LHFPL3: variants seen among roughly 807,000 people sequenced by gnomAD.
The protein encoded by LHFPL3 is LHFPL tetraspan subfamily member 3.
Under a neutral mutation model 19.3 loss-of-function variants are expected in LHFPL3, and 5 were observed. That is an observed-to-expected ratio of 0.26 (90% confidence interval 0.14 to 0.54). The LOEUF is 0.54. Ranked by LOEUF, LHFPL3 falls within the 20% of genes least tolerant of loss-of-function variation. The probability of loss-of-function intolerance (pLI) is 0.94; values close to 1 mark genes in which losing one functional copy is unlikely to be tolerated. For synonymous variants in LHFPL3, 133 were observed against 126.2 expected (o/e 1.05, Z -0.36); for missense variants, 249 against 307.4 (o/e 0.81, Z 1.42).
chr7:104,537,904 G>A (rs2115864735), intron 1 of LHFPL3, among the ~76,000 whole-genome samples: 1 of 152,264 alleles, frequency 6.6e-6, no homozygotes, highest in Non-Finnish European at 1.5e-5. Flanking sequence ...GTCCTTCTTG[G>A]GCAGGTAAAG....
At chr7:104,879,323 G>A (rs1792003627) in intron 2 of LHFPL3, among the ~76,000 whole-genome samples, 1 of 152,172 alleles carries the variant, frequency 6.6e-6, no homozygotes, top group South Asian at 2.1e-4. Context: ...GGCTAAGGTG[G>A]GAGGATTGCT....
At chr7:104,471,908 TG>T (rs1792914435) in intron 1 of LHFPL3, among the ~76,000 whole-genome samples, 1 of 152,222 alleles carries the variant, frequency 6.6e-6, no homozygotes, top group Non-Finnish European at 1.5e-5. Context: ...CCACATGCAA[TG>T]GCCCTTGCTT....
chr7:104,456,587 T>G (rs745685822), intron 1 of LHFPL3, among the ~76,000 whole-genome samples: 2 of 152,222 alleles, frequency 1.3e-5, no homozygotes, highest in African/African-American at 2.4e-5. Context: ...GTATATGATA[T>G]TTTTCTTTCC....
At chr7:104,667,824 G>A (rs1003737612) in intron 1 of LHFPL3, 2 of 1,609,344 alleles carry the variant, frequency 1.2e-6, no homozygotes, top group African/African-American at 1.3e-5. Flanking sequence ...TGAGGATGGG[G>A]GTACTGGTGG....
chr7:104,693,407 G>A (rs546494731), intron 1 of LHFPL3, among the ~76,000 whole-genome samples: 195 of 152,240 alleles, frequency 1.3e-3, no homozygotes, highest in Non-Finnish European at 2.3e-3. Flanking sequence ...TTGGCTTTGT[G>A]TTCCCACCCA....
At chr7:104,555,485 T>C (rs1441568605) in intron 1 of LHFPL3, among the ~76,000 whole-genome samples, 2 of 151,954 alleles carry the variant, frequency 1.3e-5, no homozygotes, top group East Asian at 3.9e-4. Context: ...TGCAAGAAAC[T>C]CCCACTTTTA....
At chr7:104,396,324 G>A (rs776136456) in intron 1 of LHFPL3, among the ~76,000 whole-genome samples, 11 of 152,062 alleles carry the variant, frequency 7.2e-5, no homozygotes, top group Non-Finnish European at 1.6e-4. Flanking sequence ...GGTGAGAAAT[G>A]GGGATGGCAA....
At chr7:104,521,246 A>G (rs1794053422) in intron 1 of LHFPL3, among the ~76,000 whole-genome samples, 1 of 152,090 alleles carries the variant, frequency 6.6e-6, no homozygotes, top group South Asian at 2.1e-4. Context: ...GTTTCCATGT[A>G]GTTGAGTGGT....
intron 2 of LHFPL3, among the ~76,000 whole-genome samples, chr7:104,755,487 GC>G (rs777419851): frequency 6.6e-6 from 1 of 151,990 alleles, no homozygotes; most frequent in Non-Finnish European, 1.5e-5. Context: ...GCTGGATGAT[GC>G]AAAAAGCAGG....
chr7:104,748,868 G>A (rs917899939), intron 2 of LHFPL3, among the ~76,000 whole-genome samples: 6 of 152,324 alleles, frequency 3.9e-5, no homozygotes, highest in Admixed American at 3.3e-4. Context: ...CACAGGTGTG[G>A]AGGGGCAACC....
intron 2 of LHFPL3, among the ~76,000 whole-genome samples, chr7:104,822,307 A>G (rs924121864): frequency 6.6e-6 from 1 of 152,228 alleles, no homozygotes; most frequent in Non-Finnish European, 1.5e-5. Flanking sequence ...TGGTCCAAGT[A>G]GATATTTAAT....
At chr7:104,657,321 C>G (rs987685399) in intron 1 of LHFPL3, among the ~76,000 whole-genome samples, 7 of 152,214 alleles carry the variant, frequency 4.6e-5, no homozygotes, top group African/African-American at 1.7e-4. Context: ...GCAGGTTAAG[C>G]CTGCTTATCA....
At chr7:104,383,277 A>G (rs552364509) in intron 1 of LHFPL3, among the ~76,000 whole-genome samples, 5 of 152,366 alleles carry the variant, frequency 3.3e-5, no homozygotes, top group African/African-American at 1.2e-4. Flanking sequence ...GGTTTCAGAT[A>G]GTGTAAGTAC....
chr7:104,570,435 T>C (rs1790210898), intron 1 of LHFPL3, among the ~76,000 whole-genome samples: 1 of 152,244 alleles, frequency 6.6e-6, no homozygotes, highest in African/African-American at 2.4e-5. Context: ...CACTATTGTC[T>C]ACTAACCATA....
intron 1 of LHFPL3, among the ~76,000 whole-genome samples, chr7:104,503,437 ATGTT>A (rs1172078171): frequency 3.3e-5 from 5 of 152,162 alleles, no homozygotes; most frequent in African/African-American, 1.2e-4. Context: ...TCTACAATGA[ATGTT>A]TGTTTATATT....
At position 104,328,638 on chromosome 7, in the gene LHFPL3, ACT is replaced by A. The variant is rs1801507861; in HGVS notation, c.-139_-138del. On this transcript the variant is annotated 5_prime_UTR_variant, in exon 1 of 3. It removes the in-frame stop codon of an upstream open reading frame in the 5' UTR. Transcript: ENST00000424859. The surrounding 1 kb of genome is among the most constrained non-coding windows in gnomAD (Gnocchi z 4.6). ...CCTCCTTCCGGGAGCGAGGATGCAGACTCTGAAACTGGTGCTGCTGGGCTGAG... is the reference window on the plus strand; with the variant it reads ...CCTCCTTCCGGGAGCGAGGATGCAGACTGAAACTGGTGCTGCTGGGCTGAG... 1.4e-6 allele frequency: 1 copy of A among 720,364 alleles called. No homozygotes were observed. Among genetic ancestry groups the A allele is most frequent in the East Asian group, 2.7e-5 (1 of 36,866 alleles). The allele number at this position is 720,364 out of a possible 1,614,324, so 44.6% of individuals were successfully genotyped here.
At chr7:104,383,513 A>G (rs1790872517) in intron 1 of LHFPL3, among the ~76,000 whole-genome samples, 1 of 152,208 alleles carries the variant, frequency 6.6e-6, no homozygotes. Flanking sequence ...AGATATTAGC[A>G]TTTCATTAGC....
At chr7:104,451,977 C>T (rs1792448138) in intron 1 of LHFPL3, among the ~76,000 whole-genome samples, 1 of 152,172 alleles carries the variant, frequency 6.6e-6, no homozygotes. Flanking sequence ...AACTGCTGAC[C>T]TCAGGTGATC....
At chr7:104,617,287 C>A (rs560205365) in intron 1 of LHFPL3, among the ~76,000 whole-genome samples, 1 of 152,140 alleles carries the variant, frequency 6.6e-6, no homozygotes, top group Admixed American at 6.5e-5. Flanking sequence ...AATTTTCAAA[C>A]TTTCTAGCCA....
Sources: gnomAD v4.1 joint callset for allele counts (sites outside exome capture counted in the v4.1 genomes callset) on GRCh38, gnomAD v4.1.1 for gene constraint, Gnocchi (gnomAD v3.1) non-coding constraint, MANE v1.5 for transcripts, NCBI Gene and HGNC (gene_info 2026-07-23, HGNC 2026-07-21) for gene names.